The following SP140 variants were observed in gnomAD, a reference collection of about 807,000 sequenced individuals.
SP140 encodes the protein nuclear body protein SP140.
SP140 carries 81 observed loss-of-function variants against 125.0 expected under a neutral mutation model. That is an observed-to-expected ratio of 0.65 (90% CI 0.54 to 0.78). The LOEUF is 0.78. Ranked by LOEUF, SP140 falls within the 30% of genes least tolerant of loss-of-function variation. The pLI is 0.00. For synonymous variants in SP140, 312 were observed against 354.0 expected, an observed-to-expected ratio of 0.88 and a Z score of 1.33; for missense variants, 858 against 1,037.0, an observed-to-expected ratio of 0.83 and a Z score of 2.37.
chr2:230,289,073 C>T (rs1372498443), intron 18 of SP140, among the ~76,000 whole-genome samples: 1 of 152,212 alleles, frequency 6.6e-6, no homozygotes, highest in Non-Finnish European at 1.5e-5. Flanking sequence ...AACTAATTTA[C>T]ACTGCAACCA....
chr2:230,202,540 C>G (rs777817263), upstream of SP140: 1 of 1,607,348 alleles, frequency 6.2e-7, no homozygotes, highest in African/African-American at 1.3e-5. Flanking sequence ...CCCTCCCACA[C>G]TGAGCCATTC....
At chr2:230,311,736 C>G (rs1271173987) in intron 26 of SP140, 141 bp downstream of exon 26, 1 of 1,008,002 alleles carries the variant, frequency 9.9e-7, no homozygotes, top group African/African-American at 1.6e-5. Context: ...GGTTTCAGTT[C>G]AGAACTTAAG....
chr2:230,269,724 G>A lies in SP140; in HGVS notation c.1327+106G>A, dbSNP rs142531185. ...GAAGAGTCAAATATAAGGAGGAGCA[G>A]TGAAAGGAGAAGATTTCAGAGGAAA... is the stretch of plus-strand genomic sequence containing the variant. On this transcript the variant is annotated intron_variant, in intron 13 of 26. Transcript: ENST00000392045. 1.0e-3 allele frequency: 1,122 copies of A among 1,081,910 alleles called. 7 individuals carry two copies. In the African/African-American group the frequency reaches 0.016, roughly 15 times the overall value. The allele number at this position is 1,081,910 out of a possible 1,614,324, so 67.0% of individuals were successfully genotyped here.
intron 9 of SP140, 48 bp downstream of exon 9, chr2:230,249,016 T>C: frequency 6.7e-7 from 1 of 1,487,940 alleles, no homozygotes; most frequent in Non-Finnish European, 9.3e-7. Flanking sequence ...CTTTGTTTTC[T>C]AGTTGGCATG....
chr2:230,286,111 A>G (rs2056350889), intron 17 of SP140, among the ~76,000 whole-genome samples: 1 of 152,200 alleles, frequency 6.6e-6, no homozygotes, highest in Non-Finnish European at 1.5e-5. Context: ...TTTTATTAAA[A>G]TGGCTGGACC....
At chr2:230,212,842 C>T in intron 1 of SP140, 2 of 1,614,078 alleles carry the variant, frequency 1.2e-6, no homozygotes, top group South Asian at 1.1e-5. Flanking sequence ...CTCAGGATCT[C>T]ATCGCTTTGC....
At chr2:230,187,889 C>G in the SP140 span, among the ~76,000 whole-genome samples, 1 of 152,168 alleles carries the variant, frequency 6.6e-6, no homozygotes, top group Non-Finnish European at 1.5e-5. Context: ...GTTTTGGTAA[C>G]TATAGCCTTG....
chr2:230,240,920 G>A (rs1035148665), intron 3 of SP140, among the ~76,000 whole-genome samples: 4 of 152,092 alleles, frequency 2.6e-5, no homozygotes, highest in Non-Finnish European at 4.4e-5. Flanking sequence ...CATCAACGGA[G>A]GGTAGATAAA....
chr2:230,221,114 C>T (rs1037464049), upstream of SP140, among the ~76,000 whole-genome samples: 4 of 151,690 alleles, frequency 2.6e-5, no homozygotes, highest in Non-Finnish European at 5.9e-5. Flanking sequence ...AACCCCATCT[C>T]TACTAAAAAT....
intron 18 of SP140, among the ~76,000 whole-genome samples, chr2:230,288,789 G>A (rs1429305009): frequency 1.3e-5 from 2 of 152,086 alleles, no homozygotes; most frequent in Non-Finnish European, 2.9e-5. Context: ...TCCCTGTAAA[G>A]GACAGGAACT....
chr2:230,312,541 C>T (rs377249782), intron 26 of SP140, 45 bp from the exon 27 acceptor site: 46 of 1,303,094 alleles, frequency 3.5e-5, no homozygotes, highest in African/African-American at 2.6e-4. Context: ...TGTCTCATGA[C>T]GCTAATGATG....
At chr2:230,212,598 C>A (rs979208776) in intron 1 of SP140, among the ~76,000 whole-genome samples, 1 of 152,138 alleles carries the variant, frequency 6.6e-6, no homozygotes, top group Non-Finnish European at 1.5e-5. Context: ...TTACCCACCC[C>A]CCGGCAGTGC....
chr2:230,217,559 A>G (rs1160634138), intron 3 of SP140, among the ~76,000 whole-genome samples: 2 of 152,236 alleles, frequency 1.3e-5, no homozygotes, highest in Non-Finnish European at 2.9e-5. Flanking sequence ...TAAGGGTTTC[A>G]TATGCAGTAA....
intron 12 of SP140, among the ~76,000 whole-genome samples, chr2:230,264,213 G>T (rs915946922): frequency 3.3e-5 from 5 of 152,046 alleles, no homozygotes; most frequent in Non-Finnish European, 5.9e-5. Flanking sequence ...TTAATTCAAA[G>T]ACCTTGTCTT....
chr2:230,278,645 C>G (rs1219689199), intron 15 of SP140, among the ~76,000 whole-genome samples: 1 of 151,892 alleles, frequency 6.6e-6, no homozygotes, highest in Non-Finnish European at 1.5e-5. Context: ...GACATTTAAG[C>G]CTTTAATCTA....
chr2:230,195,277 A>T, the SP140 span, among the ~76,000 whole-genome samples: 120,620 of 151,776 alleles, frequency 0.79, 48,060 homozygotes, highest in Admixed American at 0.84. Context: ...AAATTGAATT[A>T]GGGGATTGAA....
chr2:230,275,181 A>G (rs1441377662), intron 15 of SP140, among the ~76,000 whole-genome samples: 1 of 152,076 alleles, frequency 6.6e-6, no homozygotes, highest in Non-Finnish European at 1.5e-5. Context: ...GTGTGTTGTC[A>G]TATTTGATGT....
intron 11 of SP140, 121 bp from the exon 12 acceptor site, chr2:230,255,331 G>C: frequency 1.8e-6 from 2 of 1,108,296 alleles, no homozygotes; most frequent in Non-Finnish European, 2.7e-6. Flanking sequence ...GGAGGACCTG[G>C]GTGGGGGACA....
At chr2:230,224,453 G>C (rs2046084871), upstream of SP140, among the ~76,000 whole-genome samples, 1 of 146,492 alleles carries the variant, frequency 6.8e-6, no homozygotes, top group Non-Finnish European at 1.5e-5. Context: ...GGGAGAGAGA[G>C]GGAGAGGGAG....
Sources: allele counts gnomAD v4.1 joint callset (sites outside exome capture counted in the v4.1 genomes callset), GRCh38; gene constraint gnomAD v4.1.1; transcripts MANE v1.5; gene names NCBI Gene and HGNC (gene_info 2026-07-23, HGNC 2026-07-21).